CTDSPL2: variants seen among roughly 807,000 people sequenced by gnomAD.
CTDSPL2 encodes the protein CTD small phosphatase-like protein 2.
A neutral mutation model predicts 60.0 loss-of-function variants in CTDSPL2; 5 were observed. The ratio of observed to expected loss-of-function variants is 0.08; its 90% CI spans 0.04 to 0.18. CTDSPL2 has a LOEUF of 0.18. Among genes scored for constraint, CTDSPL2 ranks in the 10% least tolerant of loss-of-function variants. The pLI is 1.00. For synonymous variants in CTDSPL2, 186 were observed against 189.3 expected (o/e 0.98, Z 0.14); for missense variants, 370 against 548.8 (o/e 0.67, Z 3.26).
chr15:44,475,594 A>C (rs1219376936), intron 2 of CTDSPL2, among the ~76,000 whole-genome samples: 1 of 151,260 alleles, frequency 6.6e-6, no homozygotes, highest in Admixed American at 6.6e-5. Flanking sequence ...AGCTGAGATC[A>C]TGCCACTGCA....
intron 8 of CTDSPL2, among the ~76,000 whole-genome samples, chr15:44,506,266 G>A (rs2081461492): frequency 6.6e-6 from 1 of 151,794 alleles, no homozygotes; most frequent in Non-Finnish European, 1.5e-5. Context: ...CTCACCTCAA[G>A]TGATCTGCCC....
chr15:44,460,692 T>C (rs1363266093), intron 2 of CTDSPL2, among the ~76,000 whole-genome samples: 1 of 152,126 alleles, frequency 6.6e-6, no homozygotes, highest in Non-Finnish European at 1.5e-5. Flanking sequence ...TAATTTTTGT[T>C]TTGGTGGTTT....
chr15:44,501,887 T>C (rs1788450767), intron 8 of CTDSPL2: 1 of 406,426 alleles, frequency 2.5e-6, no homozygotes, highest in Non-Finnish European at 4.8e-6. Context: ...GAAGAAATCT[T>C]TGGGTTAGGG....
At chr15:44,434,407 A>G (rs2079930739) in intron 1 of CTDSPL2, among the ~76,000 whole-genome samples, 1 of 152,142 alleles carries the variant, frequency 6.6e-6, no homozygotes, top group South Asian at 2.1e-4. Context: ...TCAAGAAAAA[A>G]AAAGAAGACA....
chr15:44,469,299 A>G (rs1417546208), intron 2 of CTDSPL2, among the ~76,000 whole-genome samples: 1 of 152,108 alleles, frequency 6.6e-6, no homozygotes, highest in African/African-American at 2.4e-5. Context: ...CTTTTGATGT[A>G]TTTACCTCCA....
intron 1 of CTDSPL2, chr15:44,448,092 C>T (rs974418377): frequency 8.0e-6 from 2 of 249,532 alleles, no homozygotes; most frequent in Non-Finnish European, 8.2e-6. Context: ...TCATGGGGCT[C>T]ATGTGCTCCA....
At position 44,527,041 on chromosome 15, in the gene CTDSPL2, A is replaced by T. The variant is rs947540086; in HGVS notation, c.*2867A>T. ...AATATATGTAGCCCTCATCAGATTT[A>T]TATCACCATATTTCTCCTTGTGTCC... On this transcript the variant is annotated 3_prime_UTR_variant, in exon 13 of 13. Coordinates refer to ENST00000260327, the MANE Select transcript of CTDSPL2 (RefSeq NM_016396.3). 6.6e-6 allele frequency: 1 copy of T among 152,588 alleles called. No homozygotes were observed. The highest frequency in any genetic ancestry group is 2.4e-5 in the African/African-American group (1 of 41,442). The allele number at this position is 152,588 out of a possible 1,614,324, so 9.5% of individuals were successfully genotyped here. A position where few individuals can be genotyped will look rare whatever the true frequency, so the allele number is the denominator to read the frequency against.
At position 44,455,811 on chromosome 15, in the gene CTDSPL2, C is replaced by G. The variant is rs565410968; in HGVS notation, c.-24-3180C>G. On this transcript the variant is annotated intron_variant, in intron 1 of 12. Coordinates refer to ENST00000260327, the MANE Select transcript of CTDSPL2 (RefSeq NM_016396.3). ...GGATAAGCTTTTTGATGTGCTGCTGCATTCGGTTTGCCAGTATTTTATTGA... is the reference window on the plus strand; with the variant it reads ...GGATAAGCTTTTTGATGTGCTGCTGGATTCGGTTTGCCAGTATTTTATTGA... Among the ~76,000 whole-genome samples the G allele has an allele frequency of 4.2e-5, 6 of 144,084 alleles. No homozygotes were observed. The East Asian group carries it at 6.0e-4, about 15-fold the overall frequency. 94.5% of individuals were successfully genotyped at this position (144,084 alleles called of 152,430 possible). A position where few individuals can be genotyped will look rare whatever the true frequency, so the allele number is the denominator to read the frequency against.
chr15:44,445,032 G>A (rs943772043), intron 1 of CTDSPL2, among the ~76,000 whole-genome samples: 2 of 150,784 alleles, frequency 1.3e-5, no homozygotes, highest in African/African-American at 4.9e-5. Flanking sequence ...TAGTAGAGAC[G>A]ACAGGGTTTC....
chr15:44,470,691 A>C (rs1031986887), intron 2 of CTDSPL2: 2 of 152,052 alleles, frequency 1.3e-5, no homozygotes, highest in Non-Finnish European at 2.9e-5. Context: ...CAGATGATAC[A>C]CCAACCTTGG....
chr15:44,472,568 G>A (rs1324165214), intron 2 of CTDSPL2, among the ~76,000 whole-genome samples: 1 of 147,502 alleles, frequency 6.8e-6, no homozygotes, highest in East Asian at 2.0e-4. Context: ...GCATGATCTC[G>A]GTTCATTGCA....
chr15:44,466,915 G>A (rs1567076163), intron 2 of CTDSPL2, among the ~76,000 whole-genome samples: 1 of 152,060 alleles, frequency 6.6e-6, no homozygotes, highest in Non-Finnish European at 1.5e-5. Flanking sequence ...CTCCAGCCTG[G>A]GTGACACAGC....
At chr15:44,463,276 G>A (rs368530217) in intron 2 of CTDSPL2, among the ~76,000 whole-genome samples, 1 of 151,994 alleles carries the variant, frequency 6.6e-6, no homozygotes, top group Admixed American at 6.6e-5. Flanking sequence ...CGAGTAGCTG[G>A]GACTACAGGC....
chr15:44,480,626 A>G (rs1236359363), intron 2 of CTDSPL2, among the ~76,000 whole-genome samples: 11 of 152,138 alleles, frequency 7.2e-5, no homozygotes, highest in African/African-American at 2.7e-4. Flanking sequence ...TGAGGCTAGG[A>G]GTTTGAGACC....
intron 10 of CTDSPL2, among the ~76,000 whole-genome samples, chr15:44,515,608 C>G (rs148076334): frequency 3.3e-5 from 5 of 152,096 alleles, no homozygotes; most frequent in Admixed American, 2.0e-4. Flanking sequence ...CGGTGGCTCA[C>G]GCCTGTAATC....
At chr15:44,449,240 CA>C in intron 1 of CTDSPL2, 1 of 263,092 alleles carries the variant, frequency 3.8e-6, no homozygotes. Context: ...CAGGATCTTT[CA>C]CTTTCAGTGG....
chr15:44,511,885 A>AG (rs1471996547), intron 8 of CTDSPL2, among the ~76,000 whole-genome samples: 1 of 150,746 alleles, frequency 6.6e-6, no homozygotes, highest in African/African-American at 2.5e-5. Context: ...AAAAAAAAAA[A>AG]AAAAAAAGAA....
chr15:44,484,249 G>A lies in CTDSPL2; in HGVS notation c.212G>A (p.Arg71Gln). 6.2e-7 allele frequency: 1 copy of A among 1,609,988 alleles called. No individual in the cohort carries two copies. Among genetic ancestry groups the A allele is most frequent in the Non-Finnish European group, 8.5e-7 (1 of 1,178,074 alleles). The part of the protein sequence containing the change: ...PKEERENPSK[R>Q]SRIERDIDNN... Reference sequence around the variant, plus strand: ...GAAGAGAGAGAAAATCCTTCAAAACGGAGTAGAATTGAACGTGATATAGAT... The same window carrying A: ...GAAGAGAGAGAAAATCCTTCAAAACAGAGTAGAATTGAACGTGATATAGAT... Residue 71 changes from arginine to glutamine, a missense_variant, in exon 3 of 13, where the codon CGG becomes CAG. By Grantham distance (43) the Arg-to-Gln change is conservative. Transcript: ENST00000260327.
In CTDSPL2 at chr15:44,497,377, T is replaced by C. The variant is rs571313064; in HGVS notation, c.882+239T>C. ...ATAGTCTCAAAAGCACAATTTCTTATTTTTTTGAGATGGAGTCTCGCTCTG... is the reference window on the plus strand; with the variant it reads ...ATAGTCTCAAAAGCACAATTTCTTACTTTTTTGAGATGGAGTCTCGCTCTG... On this transcript the variant is annotated intron_variant, in intron 7 of 12. Coordinates refer to ENST00000260327, the MANE Select transcript of CTDSPL2 (RefSeq NM_016396.3). 8.5e-5 allele frequency among the ~76,000 whole-genome samples: 13 copies of C among 152,264 alleles called. No individual in the cohort carries two copies. The East Asian group carries it at 2.5e-3, about 29-fold the overall frequency.
Sources: gnomAD v4.1 joint callset for allele counts (sites outside exome capture counted in the v4.1 genomes callset) on GRCh38, gnomAD v4.1.1 for gene constraint, MANE v1.5 for transcripts, NCBI Gene and HGNC (gene_info 2026-07-23, HGNC 2026-07-21) for gene names.